TMEM50A: variants seen among roughly 807,000 people sequenced by gnomAD.
TMEM50A encodes the protein transmembrane protein 50A.
In TMEM50A, 8 loss-of-function variants were observed where a neutral mutation model predicts 23.9. That is an observed-to-expected ratio of 0.33 (90% confidence interval 0.20 to 0.60). The LOEUF (loss-of-function observed/expected upper bound fraction) is 0.60. Ranked by LOEUF, TMEM50A falls within the 20% of genes least tolerant of loss-of-function variation. TMEM50A has a pLI of 0.81. For synonymous variants in TMEM50A, 55 were observed against 60.4 expected (o/e 0.91, Z 0.41); for missense variants, 178 against 192.7 (o/e 0.92, Z 0.45).
intron 5 of TMEM50A, among the ~76,000 whole-genome samples, chr1:25,353,454 T>A (rs990388142): frequency 1.3e-5 from 2 of 152,176 alleles, no homozygotes; most frequent in Non-Finnish European, 2.9e-5. Flanking sequence ...AGCTAATTTT[T>A]AAATTTTTTA....
chr1:25,352,814 T>C, intron 4 of TMEM50A, 68 bp from the exon 5 acceptor site: 1 of 1,458,544 alleles, frequency 6.9e-7, no homozygotes, highest in African/African-American at 1.4e-5. Context: ...TGGGTTTTAT[T>C]TTCTTTTTGA....
At chr1:25,351,353 T>A (rs3093614) in intron 3 of TMEM50A, among the ~76,000 whole-genome samples, 59,858 of 151,524 alleles carry the variant, frequency 0.4, 13,647 homozygotes, top group East Asian at 0.72. Context: ...ACAAAAATTT[T>A]TAAAAATTAG....
In TMEM50A at chr1:25,343,007, C is replaced by G; in HGVS notation, c.140C>G (p.Pro47Arg). 6.2e-7 allele frequency: 1 copy of G among 1,613,350 alleles called. No individual in the cohort carries two copies. Among genetic ancestry groups the G allele is most frequent in the Non-Finnish European group, 8.5e-7 (1 of 1,179,730 alleles). The change falls in exon 3 of 7, where the codon CCC becomes CGC. Residue 47 changes from proline (P) to arginine (R), a missense_variant. Pro to Arg is a moderately radical substitution (Grantham distance 103, BLOSUM62 -2). Coordinates refer to ENST00000374358, the MANE Select transcript of TMEM50A (RefSeq NM_014313.4). ...ATCATAGATGCAGCTGTTATTTATC[C>G]CACCATGAAAGATTTCAACCACTCA... ...WIIIDAAVIYPTMKDFNHSYH... is the reference protein window; with the variant it reads ...WIIIDAAVIYRTMKDFNHSYH...
chr1:25,340,395 C>A, intron 1 of TMEM50A, 79 bp from the exon 2 acceptor site: 9 of 873,622 alleles, frequency 1.0e-5, no homozygotes, highest in East Asian at 2.6e-5. Context: ...CTAATTATTC[C>A]TGAGCTATTA....
chr1:25,342,334 T>A (rs1179527684), intron 2 of TMEM50A, among the ~76,000 whole-genome samples: 1 of 151,386 alleles, frequency 6.6e-6, no homozygotes, highest in Non-Finnish European at 1.5e-5. Flanking sequence ...TGATAAAAAC[T>A]GTTTTTGAAG....
At position 25,353,859 on chromosome 1, in the gene TMEM50A, T is replaced by C. The variant is rs185618469; in HGVS notation, c.367+885T>C. Among the ~76,000 whole-genome samples, 23 of 152,334 alleles carry C rather than the reference T, an allele frequency of 1.5e-4. No individual in the cohort carries two copies. The East Asian group carries it at 3.7e-3, about 24-fold the overall frequency. On this transcript the variant is annotated intron_variant, in intron 5 of 6. Coordinates refer to ENST00000374358, the MANE Select transcript of TMEM50A (RefSeq NM_014313.4). Reference sequence around the variant, plus strand: ...CCAGGTTATATATATTCTGCTCATATTTTAACACTTATTTGAATAAAATGT... The same window carrying C: ...CCAGGTTATATATATTCTGCTCATACTTTAACACTTATTTGAATAAAATGT...
At chr1:25,358,861 C>G (rs1368098007) in intron 6 of TMEM50A, among the ~76,000 whole-genome samples, 1 of 152,184 alleles carries the variant, frequency 6.6e-6, no homozygotes, top group Non-Finnish European at 1.5e-5. Flanking sequence ...GCAGTAGATC[C>G]TATATTAACT....
chr1:25,358,698 G>A (rs1645361765), intron 6 of TMEM50A, among the ~76,000 whole-genome samples: 1 of 152,238 alleles, frequency 6.6e-6, no homozygotes, highest in Non-Finnish European at 1.5e-5. Flanking sequence ...AATTTTGACA[G>A]TGTAGGAGGG....
At chr1:25,351,246 C>T (rs1201727233) in intron 3 of TMEM50A, among the ~76,000 whole-genome samples, 1 of 151,718 alleles carries the variant, frequency 6.6e-6, no homozygotes, top group Admixed American at 6.6e-5. Flanking sequence ...GGCTTATGAG[C>T]CAGGTGTAGT....
intron 1 of TMEM50A, among the ~76,000 whole-genome samples, chr1:25,339,627 T>G (rs1302924117): frequency 6.6e-6 from 1 of 152,240 alleles, no homozygotes; most frequent in Non-Finnish European, 1.5e-5. Flanking sequence ...TATTTTTCAT[T>G]TGAATCTGTA....
chr1:25,347,349 C>G (rs1453044926), intron 3 of TMEM50A, among the ~76,000 whole-genome samples: 1 of 152,040 alleles, frequency 6.6e-6, no homozygotes, highest in Admixed American at 6.6e-5. Context: ...AATTTTCCTG[C>G]CTCAGCCTCC....
chr1:25,358,398 A>C (rs1046662245), intron 6 of TMEM50A, among the ~76,000 whole-genome samples: 4 of 152,196 alleles, frequency 2.6e-5, no homozygotes, highest in African/African-American at 7.2e-5. Flanking sequence ...TAATCCAAAA[A>C]AGGCTAGGAA....
chr1:25,360,131 C>T (rs531065961), intron 6 of TMEM50A, among the ~76,000 whole-genome samples: 5 of 152,216 alleles, frequency 3.3e-5, no homozygotes, highest in South Asian at 2.1e-4. Flanking sequence ...AGGCGGATCA[C>T]GAGGTCAGGA....
chr1:25,351,716 T>G, intron 4 of TMEM50A, 23 bp downstream of exon 4: 1 of 1,590,908 alleles, frequency 6.3e-7, no homozygotes. Context: ...AAACAGCATC[T>G]TATTATACAT....
At position 25,360,904 on chromosome 1, in the gene TMEM50A, T is replaced by C. The variant is rs1645394224; in HGVS notation, c.*199T>C. The C allele has an allele frequency of 2.3e-6, 1 of 432,358 alleles. No individual in the cohort carries two copies. Among genetic ancestry groups the C allele is most frequent in the Non-Finnish European group, 4.1e-6 (1 of 245,770 alleles). 26.8% of individuals were successfully genotyped at this position (432,358 alleles called of 1,614,324 possible). ...TTGTGGTATGCACTTGATTAACTTA[T>C]AAAATGTTAGAGGAAACTTTCACAT... On this transcript the variant is annotated 3_prime_UTR_variant, in exon 7 of 7. Transcript: ENST00000374358.
At chr1:25,359,974 TGA>T (rs1645379025) in intron 6 of TMEM50A, among the ~76,000 whole-genome samples, 2 of 152,274 alleles carry the variant, frequency 1.3e-5, no homozygotes, top group Admixed American at 1.3e-4. Flanking sequence ...TTAGCAAGAA[TGA>T]GAGCAATTTG....
In TMEM50A at chr1:25,351,618, T is replaced by G. The variant is rs377461597; in HGVS notation, c.207-8T>G. Reference sequence around the variant, plus strand: ...CCCTGATTTCTTGGTTTTATTTTATTCATACAGGATTAATGCAGTATCGAA... The same window carrying G: ...CCCTGATTTCTTGGTTTTATTTTATGCATACAGGATTAATGCAGTATCGAA... On this transcript the variant is annotated splice_region_variant and splice_polypyrimidine_tract_variant and intron_variant, in intron 3 of 6. Coordinates refer to ENST00000374358, the MANE Select transcript of TMEM50A (RefSeq NM_014313.4). 6.2e-7 allele frequency: 1 copy of G among 1,600,612 alleles called. No individual in the cohort carries two copies. Among genetic ancestry groups the G allele is most frequent in the African/African-American group, 1.3e-5 (1 of 74,202 alleles).
intron 3 of TMEM50A, among the ~76,000 whole-genome samples, chr1:25,344,093 A>G (rs1337772789): frequency 1.3e-5 from 2 of 152,122 alleles, no homozygotes; most frequent in Non-Finnish European, 2.9e-5. Context: ...CCAAAATACA[A>G]AAATTGGTAG....
chr1:25,357,794 C>T (rs1645351005), intron 6 of TMEM50A, among the ~76,000 whole-genome samples: 1 of 151,668 alleles, frequency 6.6e-6, no homozygotes, highest in South Asian at 2.1e-4. Context: ...CACGCCACCA[C>T]GCCTGGCTAT....
Sources: gnomAD v4.1 joint callset for allele counts (sites outside exome capture counted in the v4.1 genomes callset) on GRCh38, gnomAD v4.1.1 for gene constraint, MANE v1.5 for transcripts, NCBI Gene and HGNC (gene_info 2026-07-23, HGNC 2026-07-21) for gene names.